PCDH11X: variants seen among roughly 807,000 people sequenced by gnomAD.
PCDH11X encodes protocadherin 11 X-linked.
In PCDH11X, 18 loss-of-function variants were observed where a neutral mutation model predicts 53.3. The ratio of observed to expected loss-of-function variants is 0.34; its 90% CI spans 0.23 to 0.50. The LOEUF (loss-of-function observed/expected upper bound fraction) is 0.50. Among genes scored for constraint, PCDH11X ranks in the 20% least tolerant of loss-of-function variants. The probability of loss-of-function intolerance (pLI) is 0.98; values close to 1 mark genes in which losing one functional copy is unlikely to be tolerated. For synonymous variants in PCDH11X, 279 were observed against 393.3 expected (o/e 0.71, Z 3.44); for missense variants, 570 against 1,032.4 (o/e 0.55, Z 6.14).
At chrX:92,343,870 T>G (rs1331607670) in intron 8 of PCDH11X, among the ~76,000 whole-genome samples, 1 of 111,368 alleles carries the variant, frequency 9.0e-6, no homozygotes, top group Non-Finnish European at 1.9e-5. Context: ...TATAACTGAG[T>G]GTTTACAAAC....
intron 6 of PCDH11X, among the ~76,000 whole-genome samples, chrX:92,026,314 ATGCC>A (rs2062968874): frequency 9.1e-6 from 1 of 109,655 alleles, no homozygotes; most frequent in Non-Finnish European, 1.9e-5. Flanking sequence ...CATTTATGTA[ATGCC>A]TATTGCTGCT....
intron 7 of PCDH11X, among the ~76,000 whole-genome samples, chrX:92,226,280 G>C (rs2066969293): frequency 8.9e-6 from 1 of 112,129 alleles, no homozygotes; most frequent in Admixed American, 9.5e-5. Flanking sequence ...TCTATGCTTA[G>C]ATTCAGTGAA....
chrX:92,020,353 G>T (rs1165343232), intron 6 of PCDH11X, among the ~76,000 whole-genome samples: 6 of 112,075 alleles, frequency 5.4e-5, no homozygotes, highest in African/African-American at 1.9e-4. Context: ...CTTTTTCCCT[G>T]CTGGAGCCAG....
intron 8 of PCDH11X, among the ~76,000 whole-genome samples, chrX:92,299,653 G>A (rs1230729510): frequency 9.0e-6 from 1 of 111,017 alleles, no homozygotes; most frequent in Non-Finnish European, 1.9e-5. Context: ...GGGGTCAGTG[G>A]TAATGTCCTC....
chrX:92,479,155 AT>A (rs1260058752), intron 10 of PCDH11X, among the ~76,000 whole-genome samples: 1 of 111,151 alleles, frequency 9.0e-6, no homozygotes, highest in Non-Finnish European at 1.9e-5. Context: ...GGTTTAAAAT[AT>A]GTTTTTTCTG....
At chrX:92,066,559 G>A (rs955307428) in intron 6 of PCDH11X, among the ~76,000 whole-genome samples, 1 of 110,219 alleles carries the variant, frequency 9.1e-6, no homozygotes, top group Non-Finnish European at 1.9e-5. Context: ...CACTTCTTTG[G>A]ATAAGTTAAT....
chrX:92,570,875 A>G (rs1429735398), intron 10 of PCDH11X, among the ~76,000 whole-genome samples: 1 of 109,855 alleles, frequency 9.1e-6, no homozygotes, highest in Non-Finnish European at 1.9e-5. Flanking sequence ...AACTATAGAC[A>G]TAGAAACGGT....
intron 8 of PCDH11X, among the ~76,000 whole-genome samples, chrX:92,297,265 T>C (rs2068628213): frequency 9.4e-6 from 1 of 106,855 alleles, no homozygotes; most frequent in Non-Finnish European, 1.9e-5. Flanking sequence ...TCTTCCAGTG[T>C]TTTTGTACTT....
At chrX:92,335,109 A>G (rs1358432544) in intron 8 of PCDH11X, among the ~76,000 whole-genome samples, 1 of 110,357 alleles carries the variant, frequency 9.1e-6, no homozygotes, top group Non-Finnish European at 1.9e-5. Context: ...TATTTCTGAC[A>G]TTCCCAAACC....
chrX:92,006,488 T>C (rs779553087), intron 6 of PCDH11X, among the ~76,000 whole-genome samples: 2 of 110,451 alleles, frequency 1.8e-5, no homozygotes, highest in South Asian at 3.9e-4. Flanking sequence ...GTTCAGTTTA[T>C]CAGATAGAAT....
At chrX:92,174,488 G>A (rs753951019) in intron 6 of PCDH11X, among the ~76,000 whole-genome samples, 160 of 111,441 alleles carry the variant, frequency 1.4e-3, no homozygotes, top group South Asian at 2.6e-3. Context: ...TTTTTATTAG[G>A]TCATGGATAT....
At chrX:92,107,286 T>G (rs1195985248) in intron 6 of PCDH11X, among the ~76,000 whole-genome samples, 1 of 112,198 alleles carries the variant, frequency 8.9e-6, no homozygotes, top group Non-Finnish European at 1.9e-5. Flanking sequence ...TCAGGGCCTC[T>G]TGAGGCTGTG....
At chrX:92,618,165 T>C (rs1157593379) in intron 10 of PCDH11X, 99 bp from the exon 11 acceptor site, 112 of 1,067,279 alleles carry the variant, frequency 1.0e-4, no homozygotes, top group Non-Finnish European at 1.4e-4. Flanking sequence ...TGCATTTGTA[T>C]ATAGGTTGTT....
At chrX:92,330,886 G>A (rs1246479579) in intron 8 of PCDH11X, among the ~76,000 whole-genome samples, 3 of 95,741 alleles carry the variant, frequency 3.1e-5, no homozygotes, top group African/African-American at 1.1e-4. Flanking sequence ...ATGTCAGAAA[G>A]CCAATCGATG....
chrX:92,428,767 C>T (rs915286462), intron 9 of PCDH11X, among the ~76,000 whole-genome samples: 2 of 110,854 alleles, frequency 1.8e-5, no homozygotes, highest in African/African-American at 6.5e-5. Context: ...CAGCCTGTAC[C>T]ACAACTGTCA....
intron 8 of PCDH11X, among the ~76,000 whole-genome samples, chrX:92,284,584 CT>C (rs1384297846): frequency 1.8e-5 from 2 of 112,138 alleles, no homozygotes; most frequent in Non-Finnish European, 3.8e-5. Context: ...ATTGGTACCC[CT>C]AATGACTGTC....
At chrX:92,318,130 A>G (rs1285494007) in intron 8 of PCDH11X, among the ~76,000 whole-genome samples, 3 of 111,736 alleles carry the variant, frequency 2.7e-5, no homozygotes, top group East Asian at 5.6e-4. Flanking sequence ...AATTTGCACC[A>G]CAATTACCAT....
intron 6 of PCDH11X, among the ~76,000 whole-genome samples, chrX:92,000,174 T>C (rs1352007602): frequency 2.7e-5 from 3 of 111,412 alleles, no homozygotes; most frequent in Non-Finnish European, 5.6e-5. Flanking sequence ...AATGTTATTA[T>C]GACTTTAGTG....
chrX:92,487,765 G>A (rs906420574), intron 10 of PCDH11X, among the ~76,000 whole-genome samples: 20 of 110,801 alleles, frequency 1.8e-4, no homozygotes, highest in Non-Finnish European at 3.6e-4. Context: ...AATAAGAGGG[G>A]TATTTAGAAT....
Sources: allele counts gnomAD v4.1 joint callset (sites outside exome capture counted in the v4.1 genomes callset), GRCh38; gene constraint gnomAD v4.1.1; transcripts MANE v1.5; gene names NCBI Gene and HGNC (gene_info 2026-07-23, HGNC 2026-07-21).